The following BAZ2B variants were observed in gnomAD, a reference collection of about 807,000 sequenced individuals.
The protein encoded by BAZ2B is bromodomain adjacent to zinc finger domain protein 2B.
Under a neutral mutation model 246.0 loss-of-function variants are expected in BAZ2B, and 91 were observed. The observed-to-expected ratio is 0.37, with a 90% CI of 0.31 to 0.44. The LOEUF is 0.44. Among genes scored for constraint, BAZ2B ranks in the 20% least tolerant of loss-of-function variants. The pLI is 1.00. For synonymous variants in BAZ2B, 855 were observed against 860.0 expected, an observed-to-expected ratio of 0.99 and a Z score of 0.10; for missense variants, 2,332 against 2,533.7, an observed-to-expected ratio of 0.92 and a Z score of 1.71.
At chr2:159,436,057 A>G (rs2072225487) in intron 8 of BAZ2B, among the ~76,000 whole-genome samples, 1 of 152,228 alleles carries the variant, frequency 6.6e-6, no homozygotes, top group Non-Finnish European at 1.5e-5. Context: ...ATTCTTACAT[A>G]AAATACTTTA....
intron 2 of BAZ2B, among the ~76,000 whole-genome samples, chr2:159,528,964 G>C (rs926530125): frequency 7.1e-6 from 1 of 140,524 alleles, no homozygotes; most frequent in African/African-American, 2.6e-5. Context: ...CCTGTTGTGG[G>C]GGGGTGGGGG....
chr2:159,638,380 G>C, the BAZ2B span, among the ~76,000 whole-genome samples: 1 of 152,142 alleles, frequency 6.6e-6, no homozygotes, highest in African/African-American at 2.4e-5. Context: ...AGGAAAACAT[G>C]ACCTCACCAA....
chr2:159,604,576 T>C (rs1692954975), intron 1 of BAZ2B, among the ~76,000 whole-genome samples: 1 of 152,178 alleles, frequency 6.6e-6, no homozygotes, highest in African/African-American at 2.4e-5. Context: ...TTAATAAAAT[T>C]AGTATTTTTT....
In BAZ2B at chr2:159,427,930, A is replaced by C; in HGVS notation, c.2466+11T>G. 6.2e-7 allele frequency: 1 copy of C among 1,609,348 alleles called. No individual in the cohort carries two copies. Among genetic ancestry groups the C allele is most frequent in the East Asian group, 2.2e-5 (1 of 44,806 alleles). Reference sequence around the variant, plus strand: ...TTGGTTCAAAGACTATACTTTTTAAAAAGTGGATACCTGCGGTCCATCTCT... The same window carrying C: ...TTGGTTCAAAGACTATACTTTTTAACAAGTGGATACCTGCGGTCCATCTCT... On this transcript the variant is annotated intron_variant, in intron 13 of 36. Transcript: ENST00000392783.
intron 2 of BAZ2B, among the ~76,000 whole-genome samples, chr2:159,539,868 T>A (rs1281077292): frequency 6.6e-6 from 1 of 152,084 alleles, no homozygotes; most frequent in Non-Finnish European, 1.5e-5. Context: ...CACTATAACC[T>A]CTGATTTTCA....
At chr2:159,478,471 G>C (rs1332330341) in intron 3 of BAZ2B, 104 bp downstream of exon 3, 17 of 1,284,070 alleles carry the variant, frequency 1.3e-5, no homozygotes, top group Non-Finnish European at 1.7e-5. Flanking sequence ...TTATTCAACA[G>C]GTCAATGCAA....
At chr2:159,577,961 C>A (rs16844100) in intron 1 of BAZ2B, among the ~76,000 whole-genome samples, 9,109 of 152,262 alleles carry the variant, frequency 0.06, 323 homozygotes, top group East Asian at 0.14. Flanking sequence ...ATCAAATTGT[C>A]TGAAACCTCA....
intron 2 of BAZ2B, among the ~76,000 whole-genome samples, chr2:159,483,640 A>G (rs1428628747): frequency 6.6e-6 from 1 of 151,740 alleles, no homozygotes; most frequent in Non-Finnish European, 1.5e-5. Context: ...AGCAAGACCC[A>G]CGCGGTAGTG....
chr2:159,667,597 AAAATAAAT>A, the BAZ2B span, among the ~76,000 whole-genome samples: 34,431 of 142,244 alleles, frequency 0.24, 5,208 homozygotes, highest in Admixed American at 0.42. Context: ...CTCTGTCTCA[AAAATAAAT>A]AAATAAATAA....
At chr2:159,397,490 A>T in intron 18 of BAZ2B, 101 bp from the exon 19 acceptor site, 2 of 677,640 alleles carry the variant, frequency 3.0e-6, no homozygotes, top group Non-Finnish European at 4.7e-6. Flanking sequence ...GTTTTTCATT[A>T]GGTTGAACCA....
chr2:159,590,187 CAAAAAAAAAAAAAAAAAAAAAAAAAAA>C lies in BAZ2B; in HGVS notation c.-46+26028_-46+26054del, dbSNP rs552786270. Among the ~76,000 whole-genome samples, 23 of 20,334 alleles carry C rather than the reference CAAAAAAAAAAAAAAAAAAAAAAAAAAA, an allele frequency of 1.1e-3. No individual in the cohort carries two copies. The East Asian group carries it at 0.028, about 25-fold the overall frequency. The allele number at this position is 20,334 out of a possible 152,430, so 13.3% of individuals were successfully genotyped here. ...GGGAAACAAGAGCAAGACTCCATCTCAAAAAAAAAAAAAAAAAAAAAAAAAAAAAAAAAAAAAAAAAAAACAACCCAG... is the reference window on the plus strand; with the variant it reads ...GGGAAACAAGAGCAAGACTCCATCTCAAAAAAAAAAAAAAAAACAACCCAG... On this transcript the variant is annotated intron_variant, in intron 1 of 36. Coordinates refer to ENST00000392783, the MANE Select transcript of BAZ2B (RefSeq NM_013450.4).
intron 35 of BAZ2B, among the ~76,000 whole-genome samples, chr2:159,325,297 A>AT (rs2063555638): frequency 6.7e-6 from 1 of 148,870 alleles, no homozygotes; most frequent in Admixed American, 6.7e-5. Context: ...TACCCAGCTA[A>AT]TTTTTGTATT....
intron 1 of BAZ2B, among the ~76,000 whole-genome samples, chr2:159,578,263 A>G (rs1047635626): frequency 4.6e-5 from 7 of 152,232 alleles, no homozygotes; most frequent in African/African-American, 1.7e-4. Context: ...AAGATTGACA[A>G]GAGCTTCAAA....
the BAZ2B span, chr2:159,710,921 A>T: frequency 1.3e-5 from 2 of 152,204 alleles, no homozygotes; most frequent in South Asian, 2.1e-4. Context: ...CACAGAAAGA[A>T]ACAATATTAT....
intron 13 of BAZ2B, among the ~76,000 whole-genome samples, chr2:159,423,741 C>T (rs1255113681): frequency 6.6e-6 from 1 of 152,234 alleles, no homozygotes; most frequent in Non-Finnish European, 1.5e-5. Context: ...TGGAAGCCAT[C>T]ACCTAAGTGA....
intron 2 of BAZ2B, among the ~76,000 whole-genome samples, chr2:159,523,142 C>T (rs541014298): frequency 2.0e-5 from 3 of 152,142 alleles, no homozygotes; most frequent in Non-Finnish European, 4.4e-5. Flanking sequence ...GTGGCATGTG[C>T]CTGTAGTCCC....
At chr2:159,512,400 T>G (rs996174034) in intron 2 of BAZ2B, among the ~76,000 whole-genome samples, 1 of 152,176 alleles carries the variant, frequency 6.6e-6, no homozygotes, top group Non-Finnish European at 1.5e-5. Context: ...CCTACTGAAG[T>G]TGAACCACTT....
At chr2:159,694,373 T>C in the BAZ2B span, 1 of 152,176 alleles carries the variant, frequency 6.6e-6, no homozygotes, top group Non-Finnish European at 1.5e-5. Flanking sequence ...ACATAAAATA[T>C]ATAATCCAGT....
chr2:159,438,448 T>A lies in BAZ2B; in HGVS notation c.1148A>T (p.Asn383Ile). ...ATTTACCAAAGATAAAGGTTTCACA[T>A]TGGACACCAATCCCGTAGACTGTAT... ...SVIQSTGLVS[N>I]VKPLSLVNQA... The change falls in exon 8 of 37, where the codon AAT becomes ATT. Residue 383 changes from asparagine to isoleucine, a missense_variant. Asn to Ile is a moderately radical substitution (Grantham distance 149, BLOSUM62 -3). This residue lies in a region of BAZ2B where 161 missense variants were observed against 225.8 expected (regional missense o/e 0.71). Transcript: ENST00000392783. The A allele has an allele frequency of 6.2e-7, 1 of 1,614,188 alleles. No homozygotes were observed. The highest frequency in any genetic ancestry group is 1.7e-5 in the Admixed American group (1 of 60,028).
Sources: gnomAD v4.1 joint callset for allele counts (sites outside exome capture counted in the v4.1 genomes callset) on GRCh38, gnomAD v4.1.1 for gene constraint, gnomAD v4.1.1 regional missense constraint, MANE v1.5 for transcripts, NCBI Gene and HGNC (gene_info 2026-07-23, HGNC 2026-07-21) for gene names.